Variants in SH3RF3 observed in about 807,000 individuals in gnomAD.
SH3RF3 encodes the protein SH3 domain containing ring finger 3.
A neutral mutation model predicts 66.3 loss-of-function variants in SH3RF3; 29 were observed. The observed-to-expected ratio is 0.44, with a 90% CI of 0.33 to 0.60. SH3RF3 has a LOEUF of 0.60. Ranked by LOEUF, SH3RF3 falls within the 20% of genes least tolerant of loss-of-function variation. The probability of loss-of-function intolerance (pLI) is 0.04; values close to 1 mark genes in which losing one functional copy is unlikely to be tolerated. For missense variants in SH3RF3, 1,194 were observed against 1,190.9 expected (o/e 1.00, Z -0.04); for synonymous variants, 583 against 532.0 (o/e 1.10, Z -1.32).
intron 1 of SH3RF3, among the ~76,000 whole-genome samples, chr2:109,322,818 A>C (rs1457314984): frequency 6.6e-6 from 1 of 152,182 alleles, no homozygotes; most frequent in Non-Finnish European, 1.5e-5. Flanking sequence ...GTGCCTGCAA[A>C]TCTCCCCACA....
rs13388251 is a variant in SH3RF3, at chr2:109,363,557, G to A, written c.850-8029G>A. 4.1e-3 allele frequency among the ~76,000 whole-genome samples: 623 copies of A among 152,102 alleles called. 3 individuals are homozygous for A. The highest frequency in any genetic ancestry group is 0.014 in the African/African-American group (581 of 41,516). The stretch of plus-strand genomic sequence containing the variant: ...TTTACTGCCATTCCTTCTCTGGTGC[G>A]TTGCCTTTCTTTCTGTAGATCTGAA... On this transcript the variant is annotated intron_variant, in intron 2 of 9. Coordinates refer to ENST00000309415, the MANE Select transcript of SH3RF3 (RefSeq NM_001099289.3).
intron 4 of SH3RF3, among the ~76,000 whole-genome samples, chr2:109,399,975 T>G (rs533382691): frequency 6.6e-6 from 1 of 152,314 alleles, no homozygotes; most frequent in Non-Finnish European, 1.5e-5. Context: ...CGCTCCACAT[T>G]CCTTCCAGAG....
chr2:109,287,238 T>C (rs1681049207), intron 1 of SH3RF3, among the ~76,000 whole-genome samples: 1 of 152,236 alleles, frequency 6.6e-6, no homozygotes, highest in African/African-American at 2.4e-5. Flanking sequence ...TGCTCGGGTC[T>C]AGCGAATGGC....
chr2:109,132,562 C>A (rs1345549117), intron 1 of SH3RF3, among the ~76,000 whole-genome samples: 5 of 152,130 alleles, frequency 3.3e-5, no homozygotes, highest in Non-Finnish European at 7.3e-5. Context: ...AAATAATATA[C>A]CCAGTGACGA....
intron 1 of SH3RF3, among the ~76,000 whole-genome samples, chr2:109,282,628 C>T (rs1029897246): frequency 2.4e-4 from 37 of 152,334 alleles, no homozygotes; most frequent in African/African-American, 7.5e-4. Context: ...CTCTCGCCTC[C>T]GTGGTGGGAG....
chr2:109,249,647 C>CTCTTTCTTTCTTTCTT lies in SH3RF3; in HGVS notation c.574-98022_574-98007dup, dbSNP rs749986705. On this transcript the variant is annotated intron_variant, in intron 1 of 9. Coordinates refer to ENST00000309415, the MANE Select transcript of SH3RF3 (RefSeq NM_001099289.3). ...TTTCTCTCTCTCTTTCTCTGTTTCT[C>CTCTTTCTTTCTTTCTT]TCTTTCTTTCTTTCTTTCTTGACAG... Among the ~76,000 whole-genome samples the CTCTTTCTTTCTTTCTT allele has an allele frequency of 5.3e-4, 69 of 130,856 alleles. 1 individual carries two copies. The highest frequency in any genetic ancestry group is 2.0e-3 in the African/African-American group (66 of 33,170). The allele number at this position is 130,856 out of a possible 152,430, so 85.8% of individuals were successfully genotyped here.
chr2:109,420,594 A>T (rs541785686), intron 5 of SH3RF3, among the ~76,000 whole-genome samples: 15 of 152,040 alleles, frequency 9.9e-5, no homozygotes, highest in Non-Finnish European at 2.2e-4. Context: ...TACAGGTGCC[A>T]GCCACCACGC....
chr2:109,442,400 G>T (rs1341232643), intron 7 of SH3RF3, among the ~76,000 whole-genome samples: 1 of 151,708 alleles, frequency 6.6e-6, no homozygotes, highest in Non-Finnish European at 1.5e-5. Context: ...AGATGAAAAT[G>T]AAGATCTATA....
chr2:109,424,229 G>A (rs1676971062), intron 5 of SH3RF3, among the ~76,000 whole-genome samples: 1 of 152,178 alleles, frequency 6.6e-6, no homozygotes, highest in Non-Finnish European at 1.5e-5. Context: ...TTTCCCCATT[G>A]GAAGTGAGCC....
chr2:109,189,100 G>A (rs1678271434), intron 1 of SH3RF3, among the ~76,000 whole-genome samples: 1 of 152,116 alleles, frequency 6.6e-6, no homozygotes, highest in South Asian at 2.1e-4. Context: ...CTCTCTGAGA[G>A]AGATGCCTCC....
At chr2:109,417,016 G>A (rs1206669097) in intron 4 of SH3RF3, among the ~76,000 whole-genome samples, 1 of 152,050 alleles carries the variant, frequency 6.6e-6, no homozygotes, top group Non-Finnish European at 1.5e-5. Context: ...GGCCAGTTCC[G>A]ACTGCCAGGT....
At chr2:109,428,542 C>T (rs1339456774) in intron 5 of SH3RF3, among the ~76,000 whole-genome samples, 1 of 152,220 alleles carries the variant, frequency 6.6e-6, no homozygotes, top group East Asian at 1.9e-4. Context: ...TGCACACCTG[C>T]CGCGGCCACT....
rs1370174719 is a variant in SH3RF3 at position 109,501,587 on chromosome 2, G to A, written c.2565G>A (p.Lys855=). The change falls in exon 10 of 10, where the codon AAG becomes AAA. Residue 855 remains lysine, a synonymous_variant. Transcript: ENST00000309415. The part of the protein sequence containing the change: ...KEGDIVFVHK[K]REDGWYKGTL... The stretch of plus-strand genomic sequence containing the variant: ...GCGACATCGTCTTTGTGCACAAGAA[G>A]CGTGAGGACGGCTGGTACAAGGGGA... The A allele has an allele frequency of 2.6e-6, 2 of 779,732 alleles. No individual in the cohort carries two copies. Among genetic ancestry groups the A allele is most frequent in the East Asian group, 2.4e-5 (1 of 41,204 alleles). The allele number at this position is 779,732 out of a possible 1,614,324, so 48.3% of individuals were successfully genotyped here.
intron 3 of SH3RF3, among the ~76,000 whole-genome samples, chr2:109,375,822 C>G (rs1336432107): frequency 6.6e-6 from 1 of 152,238 alleles, no homozygotes; most frequent in Non-Finnish European, 1.5e-5. Context: ...AGAACAGGGC[C>G]CATTCCTCAT....
At chr2:109,316,610 C>T (rs1681888895) in intron 1 of SH3RF3, among the ~76,000 whole-genome samples, 1 of 152,200 alleles carries the variant, frequency 6.6e-6, no homozygotes, top group Non-Finnish European at 1.5e-5. Context: ...AGAGAATTCC[C>T]ATAGACCTCC....
At chr2:109,298,065 A>C (rs1345465331) in intron 1 of SH3RF3, among the ~76,000 whole-genome samples, 2 of 152,156 alleles carry the variant, frequency 1.3e-5, no homozygotes, top group East Asian at 3.9e-4. Context: ...GATGTTCTGC[A>C]CTGGAGGTGG....
intron 1 of SH3RF3, among the ~76,000 whole-genome samples, chr2:109,223,511 A>G (rs1679303827): frequency 6.6e-6 from 1 of 152,220 alleles, no homozygotes; most frequent in Admixed American, 6.5e-5. Flanking sequence ...GTGGCTGGAA[A>G]TGAGCAGAAT....
At chr2:109,139,900 G>T (rs961432831) in intron 1 of SH3RF3, among the ~76,000 whole-genome samples, 2 of 152,168 alleles carry the variant, frequency 1.3e-5, no homozygotes, top group African/African-American at 2.4e-5. Flanking sequence ...AAAAGGCAGC[G>T]CCACTGGGGC....
At chr2:109,231,882 A>C (rs1183883374) in intron 1 of SH3RF3, among the ~76,000 whole-genome samples, 1 of 152,254 alleles carries the variant, frequency 6.6e-6, no homozygotes, top group African/African-American at 2.4e-5. Context: ...TGTAATTCAC[A>C]TGCCATGTAA....
Sources: gnomAD v4.1 joint callset for allele counts (sites outside exome capture counted in the v4.1 genomes callset) on GRCh38, gnomAD v4.1.1 for gene constraint, MANE v1.5 for transcripts, NCBI Gene and HGNC (gene_info 2026-07-23, HGNC 2026-07-21) for gene names.